Variants in NEBL observed in about 807,000 individuals in gnomAD.
NEBL encodes nebulette, also known as LIM and SH3 protein 2.
Under a neutral mutation model 140.2 loss-of-function variants are expected in NEBL, and 122 were observed. That is an observed-to-expected ratio of 0.87 (90% CI 0.75 to 1.01). The LOEUF is 1.01. Ranked by LOEUF, NEBL falls within the 50% of genes least tolerant of loss-of-function variation. NEBL has a pLI of 0.00. For missense variants in NEBL, 1,365 were observed against 1,231.3 expected (o/e 1.11, Z -1.62); for synonymous variants, 436 against 398.9 (o/e 1.09, Z -1.11).
At chr10:21,087,527 G>GA (rs982573961) in intron 2 of NEBL, among the ~76,000 whole-genome samples, 1 of 152,108 alleles carries the variant, frequency 6.6e-6, no homozygotes, top group East Asian at 1.9e-4. Flanking sequence ...GCCTCTAACA[G>GA]AATTCACAAT....
At chr10:21,151,844 A>G (rs1336658516) in intron 2 of NEBL, among the ~76,000 whole-genome samples, 2 of 152,300 alleles carry the variant, frequency 1.3e-5, no homozygotes, top group African/African-American at 2.4e-5. Flanking sequence ...AGTGAAACTT[A>G]TCTCTTCCCC....
intron 2 of NEBL, among the ~76,000 whole-genome samples, chr10:21,103,827 G>A (rs1379562432): frequency 1.3e-5 from 2 of 151,972 alleles, no homozygotes; most frequent in Non-Finnish European, 2.9e-5. Flanking sequence ...TTCATTTATA[G>A]TTATACTTTT....
intron 2 of NEBL, among the ~76,000 whole-genome samples, chr10:21,082,535 T>TAAAAAAAAAAAAAAAAAAAAAAAAAAAA (rs61234594): frequency 3.4e-5 from 4 of 117,292 alleles, no homozygotes; most frequent in African/African-American, 1.6e-4. Context: ...CCACCACCAC[T>TAAAAAAAAAAAAAAAAAAAAAAAAAAAA]AAAAAAAAAA....
intron 3 of NEBL, among the ~76,000 whole-genome samples, chr10:20,979,815 TC>T (rs1469889837): frequency 4.6e-5 from 7 of 152,114 alleles, no homozygotes; most frequent in African/African-American, 1.7e-4. Flanking sequence ...CAAGCAATCC[TC>T]CTACCTCAGC....
At chr10:21,020,266 C>T in intron 2 of NEBL, 3 of 1,420,760 alleles carry the variant, frequency 2.1e-6, no homozygotes, top group Admixed American at 1.7e-5. Flanking sequence ...ACTTTCACAC[C>T]CATTGTTTTG....
At chr10:21,023,097 G>C (rs973966717) in intron 2 of NEBL, among the ~76,000 whole-genome samples, 4 of 152,198 alleles carry the variant, frequency 2.6e-5, no homozygotes, top group African/African-American at 9.6e-5. Flanking sequence ...TTAAAATGTA[G>C]CAACTACGTA....
At chr10:20,914,787 T>G (rs1848467560) in intron 4 of NEBL, among the ~76,000 whole-genome samples, 1 of 152,060 alleles carries the variant, frequency 6.6e-6, no homozygotes, top group African/African-American at 2.4e-5. Flanking sequence ...TTGAGACAAT[T>G]TTAATACCAA....
intron 2 of NEBL, among the ~76,000 whole-genome samples, chr10:21,023,863 T>C (rs1341021963): frequency 3.9e-5 from 6 of 152,094 alleles, no homozygotes; most frequent in African/African-American, 1.4e-4. Context: ...TGAATTCTAT[T>C]TGGATAGTAA....
intron 2 of NEBL, among the ~76,000 whole-genome samples, chr10:21,119,445 T>G (rs1838423782): frequency 8.5e-6 from 1 of 117,742 alleles, no homozygotes; most frequent in Non-Finnish European, 1.5e-5. Flanking sequence ...ACATATATAG[T>G]TATATTAATA....
intron 7 of NEBL, among the ~76,000 whole-genome samples, chr10:20,865,918 T>C (rs751433519): frequency 2.6e-5 from 4 of 152,114 alleles, no homozygotes; most frequent in African/African-American, 4.8e-5. Context: ...ACTGATCACT[T>C]TATGTGTAGA....
rs761316452 is a variant in NEBL at position 20,897,010 on chromosome 10, A to G, written c.101T>C (p.Ile34Thr). ...GGCCAATTCCATGCTTAAGTCTTCA[A>G]TAACAGGCTTATAGAAGACCTATTT... ...EEDQVFYKPV[I>T]EDLSMELARK... Residue 34 changes from isoleucine to threonine, a missense_variant, in exon 2 of 28, where the codon ATT becomes ACT. Around this residue, in one of 2 missense-constraint regions of NEBL, gnomAD observed 1,323 missense variants for 1,154.8 expected, o/e 1.15. Transcript: ENST00000377122. The G allele has an allele frequency of 1.2e-6, 2 of 1,613,932 alleles. No individual in the cohort carries two copies. Among genetic ancestry groups the G allele is most frequent in the African/African-American group, 1.3e-5 (1 of 74,934 alleles).
intron 3 of NEBL, among the ~76,000 whole-genome samples, chr10:20,977,794 G>C (rs1836865584): frequency 6.6e-6 from 1 of 152,158 alleles, no homozygotes; most frequent in African/African-American, 2.4e-5. Flanking sequence ...ACCACAGTTT[G>C]CCCTAATACG....
chr10:20,813,019 A>C lies in NEBL; in HGVS notation c.2347-79T>G, dbSNP rs1262337152. 79 of 1,194,142 alleles carry C rather than the reference A, an allele frequency of 6.6e-5. 1 individual carries two copies. Among genetic ancestry groups the C allele is most frequent in the Non-Finnish European group, 4.4e-5 (36 of 812,708 alleles). The allele number at this position is 1,194,142 out of a possible 1,614,324, so 74.0% of individuals were successfully genotyped here. On this transcript the variant is annotated intron_variant, in intron 23 of 27. Transcript: ENST00000377122. ...AACATTTTTATTAAATGACAGGTGT[A>C]CACTGCACTGGCTGCGTGCAGATTG...
chr10:21,094,947 G>A (rs1316749893), intron 2 of NEBL, among the ~76,000 whole-genome samples: 1 of 152,128 alleles, frequency 6.6e-6, no homozygotes, highest in Non-Finnish European at 1.5e-5. Flanking sequence ...CACAGAAAAC[G>A]CTCCCTATAA....
chr10:20,874,719 C>A (rs1423065225), intron 5 of NEBL, among the ~76,000 whole-genome samples: 2 of 152,074 alleles, frequency 1.3e-5, no homozygotes, highest in African/African-American at 4.8e-5. Context: ...AGAGTTCTAA[C>A]ACAGCCTCCA....
At chr10:20,992,581 G>C (rs889084421) in intron 3 of NEBL, among the ~76,000 whole-genome samples, 1 of 151,886 alleles carries the variant, frequency 6.6e-6, no homozygotes, top group Non-Finnish European at 1.5e-5. Context: ...GATTTAATAG[G>C]GTCCTTGCTG....
intron 2 of NEBL, among the ~76,000 whole-genome samples, chr10:21,111,059 G>A (rs936652783): frequency 6.6e-6 from 1 of 152,126 alleles, no homozygotes; most frequent in Non-Finnish European, 1.5e-5. Flanking sequence ...CCCCTTCAAG[G>A]AGAACTAAAA....
rs574215978 is a variant in NEBL, at chr10:21,046,571, G to A, written c.165-26370C>T. Among the ~76,000 whole-genome samples, 23 of 152,186 alleles carry A rather than the reference G, an allele frequency of 1.5e-4. No homozygotes were observed. The South Asian group carries it at 2.1e-3, about 14-fold the overall frequency. Reference sequence around the variant, plus strand: ...CTTTAAAAAATTTGGATTCTTTAGCGGCAGGTTATAAACCTAACCTCAATA... The same window carrying A: ...CTTTAAAAAATTTGGATTCTTTAGCAGCAGGTTATAAACCTAACCTCAATA... On this transcript the variant is annotated intron_variant, in intron 2 of 6. Coordinates refer to the NEBL transcript ENST00000417816.
At chr10:20,789,789 G>A (rs1199308882) in intron 26 of NEBL, among the ~76,000 whole-genome samples, 1 of 151,790 alleles carries the variant, frequency 6.6e-6, no homozygotes, top group Non-Finnish European at 1.5e-5. Flanking sequence ...GGAGGTCAAG[G>A]CTGCCATGTG....
Sources: gnomAD v4.1 joint callset for allele counts (sites outside exome capture counted in the v4.1 genomes callset) on GRCh38, gnomAD v4.1.1 for gene constraint, gnomAD v4.1.1 regional missense constraint, MANE v1.5 for transcripts, NCBI Gene and HGNC (gene_info 2026-07-23, HGNC 2026-07-21) for gene names.